PTPRD: variants seen among roughly 807,000 people sequenced by gnomAD.
PTPRD encodes the protein protein tyrosine phosphatase receptor type D.
Under a neutral mutation model 214.5 loss-of-function variants are expected in PTPRD, and 34 were observed. The observed-to-expected ratio is 0.16, with a 90% CI of 0.12 to 0.21. The LOEUF (loss-of-function observed/expected upper bound fraction) is 0.21. Among genes scored for constraint, PTPRD ranks in the 10% least tolerant of loss-of-function variants. The pLI is 1.00. For synonymous variants in PTPRD, 1,128 were observed against 845.7 expected (o/e 1.33, Z -5.79); for missense variants, 2,545 against 2,398.7 (o/e 1.06, Z -1.27).
chr9:9,456,986 A>G (rs1047876917), intron 8 of PTPRD, among the ~76,000 whole-genome samples: 8 of 151,952 alleles, frequency 5.3e-5, no homozygotes, highest in African/African-American at 1.9e-4. Context: ...CAGGCATGAC[A>G]AGTTTGGAAA....
chr9:9,579,069 A>G (rs2089949415), intron 7 of PTPRD, among the ~76,000 whole-genome samples: 1 of 152,134 alleles, frequency 6.6e-6, no homozygotes, highest in Non-Finnish European at 1.5e-5. Context: ...GCTCTTAGTC[A>G]TTACATCTCT....
intron 12 of PTPRD, among the ~76,000 whole-genome samples, chr9:8,671,297 A>G (rs898598891): frequency 2.0e-5 from 3 of 152,190 alleles, no homozygotes; most frequent in Non-Finnish European, 4.4e-5. Context: ...ATGAATTTAA[A>G]ATACAACTAA....
intron 3 of PTPRD, among the ~76,000 whole-genome samples, chr9:10,292,655 T>A (rs535316860): frequency 1.3e-5 from 2 of 152,034 alleles, no homozygotes; most frequent in East Asian, 3.9e-4. Context: ...TGAAATCAAA[T>A]GAAATATGTC....
At chr9:8,386,064 C>T (rs553138797) in intron 37 of PTPRD, among the ~76,000 whole-genome samples, 1 of 152,284 alleles carries the variant, frequency 6.6e-6, no homozygotes, top group African/African-American at 2.4e-5. Context: ...CCAAACAATA[C>T]CATTTGAGAC....
chr9:9,961,016 T>C (rs554534953), intron 4 of PTPRD, among the ~76,000 whole-genome samples: 1 of 152,052 alleles, frequency 6.6e-6, no homozygotes, highest in South Asian at 2.1e-4. Flanking sequence ...GAACAGACAC[T>C]TCTCAAAAGA....
At chr9:8,961,470 C>T (rs2099158385) in intron 11 of PTPRD, among the ~76,000 whole-genome samples, 2 of 152,088 alleles carry the variant, frequency 1.3e-5, no homozygotes, top group Non-Finnish European at 2.9e-5. Context: ...TCCACTAGGT[C>T]AGAGTTAGCC....
At chr9:10,122,009 C>T (rs978745245) in intron 3 of PTPRD, among the ~76,000 whole-genome samples, 8 of 152,122 alleles carry the variant, frequency 5.3e-5, no homozygotes, top group Non-Finnish European at 1.0e-4. Flanking sequence ...CTTTTATGTA[C>T]TTAAACTTAA....
At chr9:9,377,203 T>C (rs118082482) in intron 9 of PTPRD, among the ~76,000 whole-genome samples, 4 of 152,104 alleles carry the variant, frequency 2.6e-5, no homozygotes, top group Admixed American at 1.3e-4. Context: ...TGTCCATACA[T>C]AGATATATAT....
intron 5 of PTPRD, among the ~76,000 whole-genome samples, chr9:9,927,612 G>C (rs937109814): frequency 6.6e-6 from 1 of 152,136 alleles, no homozygotes. Context: ...GAATGCGTGT[G>C]TGTACATAAT....
At chr9:9,654,955 G>A (rs537537515) in intron 7 of PTPRD, among the ~76,000 whole-genome samples, 2 of 151,548 alleles carry the variant, frequency 1.3e-5, no homozygotes, top group Admixed American at 1.3e-4. Context: ...CTATACTGAA[G>A]AATAACACAT....
At chr9:8,754,957 C>G (rs999807868) in intron 11 of PTPRD, among the ~76,000 whole-genome samples, 4 of 152,142 alleles carry the variant, frequency 2.6e-5, no homozygotes, top group African/African-American at 9.6e-5. Context: ...TGAAAAAGGA[C>G]TGAACAATGT....
At chr9:10,459,409 T>C (rs1227578290) in intron 2 of PTPRD, among the ~76,000 whole-genome samples, 1 of 152,178 alleles carries the variant, frequency 6.6e-6, no homozygotes, top group Non-Finnish European at 1.5e-5. Flanking sequence ...CCTTTGGGTA[T>C]ATACCCAGTA....
chr9:9,557,796 A>C (rs2154289608), intron 8 of PTPRD, among the ~76,000 whole-genome samples: 1 of 152,320 alleles, frequency 6.6e-6, no homozygotes, highest in South Asian at 2.1e-4. Flanking sequence ...CAGGTCCTGG[A>C]GTCCTGGTCC....
At chr9:9,093,676 G>C (rs547786235) in intron 10 of PTPRD, among the ~76,000 whole-genome samples, 104 of 151,496 alleles carry the variant, frequency 6.9e-4, no homozygotes, top group African/African-American at 2.4e-3. Context: ...GGGCGGGGGG[G>C]CGGATGTAGC....
At chr9:9,262,177 T>C (rs1022509029) in intron 9 of PTPRD, among the ~76,000 whole-genome samples, 4 of 151,550 alleles carry the variant, frequency 2.6e-5, no homozygotes, top group African/African-American at 9.7e-5. Context: ...GAATAAAAAA[T>C]ACTTCTTTTA....
chr9:8,400,591 C>T (rs976142615), intron 36 of PTPRD, among the ~76,000 whole-genome samples: 1 of 152,138 alleles, frequency 6.6e-6, no homozygotes, highest in East Asian at 1.9e-4. Flanking sequence ...TGAGCTTTTC[C>T]ACCCATGCTA....
chr9:9,701,405 T>C (rs1262605895), intron 7 of PTPRD, among the ~76,000 whole-genome samples: 1 of 152,134 alleles, frequency 6.6e-6, no homozygotes, highest in African/African-American at 2.4e-5. Flanking sequence ...GAGACAGGGG[T>C]CCAGATAGAA....
intron 11 of PTPRD, among the ~76,000 whole-genome samples, chr9:8,746,212 A>G (rs2092786880): frequency 6.6e-6 from 1 of 152,164 alleles, no homozygotes; most frequent in African/African-American, 2.4e-5. Context: ...TGGTTATCTC[A>G]GTGGAGAGAC....
intron 2 of PTPRD, among the ~76,000 whole-genome samples, chr9:10,418,798 A>G (rs1387697869): frequency 2.0e-5 from 3 of 151,884 alleles, no homozygotes; most frequent in Non-Finnish European, 4.4e-5. Flanking sequence ...ATTATAGGTG[A>G]GTTATTAACT....
Sources: allele counts gnomAD v4.1 joint callset (sites outside exome capture counted in the v4.1 genomes callset), GRCh38; gene constraint gnomAD v4.1.1; transcripts MANE v1.5; gene names NCBI Gene and HGNC (gene_info 2026-07-23, HGNC 2026-07-21).